The following PICALM variants were observed in gnomAD, a reference collection of about 807,000 sequenced individuals.
The protein encoded by PICALM is phosphatidylinositol binding clathrin assembly protein.
A neutral mutation model predicts 80.5 loss-of-function variants in PICALM; 40 were observed. The ratio of observed to expected loss-of-function variants is 0.50; its 90% CI spans 0.39 to 0.65. The LOEUF (loss-of-function observed/expected upper bound fraction) is 0.65. Ranked by LOEUF, PICALM falls within the 30% of genes least tolerant of loss-of-function variation. The probability of loss-of-function intolerance (pLI) is 0.00; values close to 1 mark genes in which losing one functional copy is unlikely to be tolerated. For synonymous variants in PICALM, 288 were observed against 260.3 expected, an observed-to-expected ratio of 1.11 and a Z score of -1.02; for missense variants, 676 against 778.9, an observed-to-expected ratio of 0.87 and a Z score of 1.57.
rs775793328 is a variant in PICALM, at chr11:85,976,649, G to C, written c.1813C>G (p.Pro605Ala). 9 of 1,604,600 alleles carry C rather than the reference G, an allele frequency of 5.6e-6. No homozygotes were observed. The South Asian group carries it at 9.9e-5, about 18-fold the overall frequency. ...ATTCCATATCCTATCATGCCTGTTG[G>C]TGTAGTAGCAGGATAGGCCATTACA... ...PPVMAYPATT[P>A]TGMIGYGIPP... is the part of the protein sequence containing the mutation. Residue 605 changes from proline to alanine, a missense_variant, in exon 18 of 20, where the codon CCA (proline) becomes GCA (alanine). Transcript: ENST00000393346.
Position 86,001,100 on chromosome 11 carries a change from T to C in PICALM, c.952A>G (p.Lys318Glu). ...GCCTGCTTTTCCCTTTCATCCACTT[T>C]GGTCAGAGATAGACCAGTGCTTGCC... ...SLASTGLSLT[K>E]VDEREKQAAL... is the part of the protein sequence containing the mutation. Residue 318 changes from lysine (K) to glutamate (E), a missense_variant, in exon 10 of 20, where the codon AAA becomes GAA. Around this residue, in one of 2 missense-constraint regions of PICALM, gnomAD observed 285 missense variants for 395.4 expected, o/e 0.72. Coordinates refer to ENST00000393346, the MANE Select transcript of PICALM (RefSeq NM_007166.4). 3 of 1,614,144 alleles carry C rather than the reference T, an allele frequency of 1.9e-6. No homozygotes were observed. Among genetic ancestry groups the C allele is most frequent in the Non-Finnish European group, 8.5e-7 (1 of 1,179,964 alleles).
chr11:86,009,414 G>C (rs983331983), intron 7 of PICALM, among the ~76,000 whole-genome samples: 3 of 151,936 alleles, frequency 2.0e-5, no homozygotes, highest in Admixed American at 6.6e-5. Context: ...AGTTTGGGCG[G>C]GATGCCATGG....
chr11:86,013,380 T>G (rs1363755917), intron 5 of PICALM, among the ~76,000 whole-genome samples: 1 of 152,110 alleles, frequency 6.6e-6, no homozygotes, highest in Admixed American at 6.6e-5. Context: ...GGCTCACCCT[T>G]TTGGAATATA....
chr11:86,033,320 G>A (rs1424598050), intron 1 of PICALM, among the ~76,000 whole-genome samples: 2 of 152,092 alleles, frequency 1.3e-5, no homozygotes, highest in Admixed American at 6.5e-5. Flanking sequence ...AAACATATGT[G>A]TATGTATATG....
At position 86,009,292 on chromosome 11, in the gene PICALM, CAAAAAAAAA is replaced by C. The variant is rs10557244; in HGVS notation, c.766-1718_766-1710del. On this transcript the variant is annotated intron_variant, in intron 7 of 19. Transcript: ENST00000393346. ...TGGGTGACACAGCAAGTCTCTGTCTCAAAAAAAAAAAAAAAAAAAAAAAAAAAAAAAGTC... is the reference window on the plus strand; with the variant it reads ...TGGGTGACACAGCAAGTCTCTGTCTCAAAAAAAAAAAAAAAAAAAAAAGTC... Among the ~76,000 whole-genome samples the C allele has an allele frequency of 3.8e-4, 16 of 41,636 alleles. 1 individual carries two copies. Among genetic ancestry groups the C allele is most frequent in the Middle Eastern group, 0.025 (1 of 40 alleles). 27.3% of individuals were successfully genotyped at this position (41,636 alleles called of 152,430 possible).
chr11:85,975,113 TAAGA>T (rs2094235122), intron 18 of PICALM, among the ~76,000 whole-genome samples: 1 of 152,184 alleles, frequency 6.6e-6, no homozygotes, highest in Non-Finnish European at 1.5e-5. Context: ...TGATTAAGAC[TAAGA>T]GTTTCCAAAT....
At chr11:86,025,961 T>G (rs2095643475) in intron 3 of PICALM, among the ~76,000 whole-genome samples, 1 of 152,162 alleles carries the variant, frequency 6.6e-6, no homozygotes, top group South Asian at 2.1e-4. Context: ...CTATCACTAT[T>G]ACTCGATTCT....
At chr11:86,000,511 A>G (rs1048982355) in intron 11 of PICALM, 132 bp downstream of exon 11, 19 of 635,776 alleles carry the variant, frequency 3.0e-5, no homozygotes, top group Non-Finnish European at 4.2e-5. Context: ...CAATATCACC[A>G]TTTATCGCCA....
chr11:86,036,998 G>T (rs1381428249), intron 1 of PICALM, among the ~76,000 whole-genome samples: 2 of 150,436 alleles, frequency 1.3e-5, no homozygotes, highest in African/African-American at 2.5e-5. Flanking sequence ...CCAGGCTGGA[G>T]TGCATGGCGT....
intron 13 of PICALM, among the ~76,000 whole-genome samples, chr11:85,989,976 A>G (rs1027087820): frequency 7.3e-6 from 1 of 136,528 alleles, no homozygotes; most frequent in African/African-American, 2.7e-5. Flanking sequence ...CAGCTAGAGT[A>G]TTGCACTATA....
chr11:86,053,034 T>C (rs1268969769), intron 1 of PICALM, among the ~76,000 whole-genome samples: 1 of 152,238 alleles, frequency 6.6e-6, no homozygotes, highest in Non-Finnish European at 1.5e-5. Flanking sequence ...TCTTATCTGA[T>C]TTTTAACATC....
At chr11:86,063,218 A>G (rs1198669250) in intron 1 of PICALM, among the ~76,000 whole-genome samples, 3 of 152,230 alleles carry the variant, frequency 2.0e-5, no homozygotes, top group Admixed American at 6.5e-5. Flanking sequence ...TTAAACATCA[A>G]AGTAAATGTT....
intron 1 of PICALM, among the ~76,000 whole-genome samples, chr11:86,058,405 A>G (rs1410170129): frequency 2.0e-5 from 3 of 152,228 alleles, no homozygotes; most frequent in Non-Finnish European, 4.4e-5. Context: ...TTTGGAAAGC[A>G]TACCCAACTT....
At chr11:85,979,181 T>G (rs1349672780) in intron 17 of PICALM, among the ~76,000 whole-genome samples, 2 of 152,184 alleles carry the variant, frequency 1.3e-5, no homozygotes, top group East Asian at 1.9e-4. Context: ...ACTACTTAAA[T>G]GCAAAGTTTT....
At chr11:86,017,769 A>C (rs1208820751) in intron 4 of PICALM, among the ~76,000 whole-genome samples, 5 of 152,224 alleles carry the variant, frequency 3.3e-5, no homozygotes, top group African/African-American at 1.2e-4. Context: ...CATGTGAAAG[A>C]AGTTTAGCAA....
At chr11:85,978,132 C>T (rs199558359) in intron 17 of PICALM, 1 of 1,567,330 alleles carries the variant, frequency 6.4e-7, no homozygotes. Flanking sequence ...AATGCAATAA[C>T]ACTGGATTAG....
rs374080130 is a variant in PICALM, at chr11:85,974,695, T to A, written c.1944+13A>T. 513 of 1,456,910 alleles carry A rather than the reference T, an allele frequency of 3.5e-4. 2 individuals are homozygous for A. The highest frequency in any genetic ancestry group is 2.0e-3 in the South Asian group (179 of 87,866). The allele number at this position is 1,456,910 out of a possible 1,614,324, so 90.2% of individuals were successfully genotyped here. A position where few individuals can be genotyped will look rare whatever the true frequency, so the allele number is the denominator to read the frequency against. ...TCAAACACATTACCACAGTTACATG[T>A]AGTGTGTAATACCTGTGCTCCTGAT... On this transcript the variant is annotated intron_variant, in intron 19 of 19. Coordinates refer to ENST00000393346, the MANE Select transcript of PICALM (RefSeq NM_007166.4).
intron 19 of PICALM, 104 bp downstream of exon 19, chr11:85,974,604 G>GA (rs1415750843): frequency 1.5e-5 from 12 of 779,372 alleles, no homozygotes; most frequent in Non-Finnish European, 2.8e-5. Flanking sequence ...AATGAAGGTA[G>GA]AAAGTGCTAG....
At chr11:86,016,032 G>A (rs1321850024) in intron 4 of PICALM, among the ~76,000 whole-genome samples, 1 of 152,212 alleles carries the variant, frequency 6.6e-6, no homozygotes, top group Non-Finnish European at 1.5e-5. Context: ...ACTTATGGAT[G>A]CCTGTTTCCG....
Sources: allele counts gnomAD v4.1 joint callset (sites outside exome capture counted in the v4.1 genomes callset), GRCh38; gene constraint gnomAD v4.1.1; regional missense constraint gnomAD v4.1.1; transcripts MANE v1.5; gene names NCBI Gene and HGNC (gene_info 2026-07-23, HGNC 2026-07-21).